CFAP251: variants seen among roughly 807,000 people sequenced by gnomAD.
CFAP251 encodes the protein cilia and flagella associated protein 251.
In CFAP251, 93 loss-of-function variants were observed where a neutral mutation model predicts 126.7. The ratio of observed to expected loss-of-function variants is 0.73; its 90% CI spans 0.62 to 0.87. The LOEUF is 0.87. Among genes scored for constraint, CFAP251 ranks in the 40% least tolerant of loss-of-function variants. The pLI, the probability that CFAP251 is intolerant of heterozygous loss-of-function variation, is 0.00. For synonymous variants in CFAP251, 503 were observed against 506.9 expected (o/e 0.99, Z 0.10); for missense variants, 1,287 against 1,389.2 (o/e 0.93, Z 1.17).
Position 121,957,299 on chromosome 12 carries a change from T to G in CFAP251, c.1730+31T>G. On this transcript the variant is annotated intron_variant, in intron 11 of 21. Transcript: ENST00000288912. ...TTGTTAATGAATCTAGTCATTAGAA[T>G]GGTTGAAAAATGATCACTGTCTTCT... is the stretch of plus-strand genomic sequence containing the variant. The G allele has an allele frequency of 1.9e-6, 3 of 1,576,556 alleles. No homozygotes were observed. In the Admixed American group the frequency reaches 5.5e-5, roughly 29 times the overall value.
chr12:121,977,571 A>G (rs1444564621), intron 19 of CFAP251, among the ~76,000 whole-genome samples: 1 of 151,998 alleles, frequency 6.6e-6, no homozygotes, highest in African/African-American at 2.4e-5. Context: ...GAGGCAAGAG[A>G]ATCGCTTGAA....
At chr12:121,985,718 T>A (rs1411127847) in intron 19 of CFAP251, among the ~76,000 whole-genome samples, 1 of 151,392 alleles carries the variant, frequency 6.6e-6, no homozygotes, top group African/African-American at 2.4e-5. Context: ...GCTTTAGCCT[T>A]CCTAGTTGCT....
intron 6 of CFAP251, 54 bp downstream of exon 6, chr12:121,942,699 CG>C: frequency 7.0e-7 from 1 of 1,437,034 alleles, no homozygotes; most frequent in South Asian, 1.2e-5. Flanking sequence ...ACCTGTGCAG[CG>C]TGTCCCCATG....
chr12:121,972,662 G>A (rs930637228), intron 17 of CFAP251, among the ~76,000 whole-genome samples: 2 of 151,908 alleles, frequency 1.3e-5, no homozygotes, highest in Non-Finnish European at 2.9e-5. Flanking sequence ...CTAATTTTTT[G>A]TATTTTTAGT....
rs1880500360 is a variant in CFAP251, at chr12:121,928,366, A to G, written c.748-3380A>G. Among the ~76,000 whole-genome samples the G allele has an allele frequency of 3.9e-5, 6 of 152,130 alleles. No homozygotes were observed. In the South Asian group the frequency reaches 1.2e-3, roughly 32 times the overall value. ...AGAGATCTAAATATAAATATAAATT[A>G]TAGGGAATGAGCAGATGGAAACAGG... On this transcript the variant is annotated intron_variant, in intron 3 of 21. Coordinates refer to ENST00000288912, the MANE Select transcript of CFAP251 (RefSeq NM_144668.6).
intron 19 of CFAP251, among the ~76,000 whole-genome samples, chr12:121,981,529 G>C (rs1469250152): frequency 6.6e-6 from 1 of 152,096 alleles, no homozygotes; most frequent in African/African-American, 2.4e-5. Flanking sequence ...ACCTGCTCCC[G>C]CCCCATGGGT....
chr12:121,994,719 C>T (rs568474589), intron 19 of CFAP251, among the ~76,000 whole-genome samples: 1 of 81,150 alleles, frequency 1.2e-5, no homozygotes, highest in Non-Finnish European at 2.5e-5. Context: ...GGATTAAGGG[C>T]GGTGCAAGAT....
Position 122,003,690 on chromosome 12 carries a change from A to AAG in CFAP251, c.3376_3377insAG (p.Ile1126LysfsTer14). The AAG allele has an allele frequency of 6.2e-7, 1 of 1,610,570 alleles. No homozygotes were observed. The highest frequency in any genetic ancestry group is 8.5e-7 in the Non-Finnish European group (1 of 1,179,090). On this transcript the variant is annotated frameshift_variant, in exon 22 of 22. Transcript: ENST00000288912. LOFTEE classifies it high-confidence loss of function. ...CCTTGAAGAAGAACTTCCAGACGAA[A>AAG]TCACTGCAGAAATATTCGCGACTGA...
chr12:121,942,531 C>T lies in CFAP251; in HGVS notation c.999-3C>T, dbSNP rs762770210. 1 of 1,609,706 alleles carries T rather than the reference C, an allele frequency of 6.2e-7. No homozygotes were observed. Among genetic ancestry groups the T allele is most frequent in the Non-Finnish European group, 8.5e-7 (1 of 1,176,560 alleles). ...GTGTCGCCCCCCTTGTCCTGTTTTG[C>T]AGTATTCCTGTGCACACAATATTTG... On this transcript the variant is annotated splice_polypyrimidine_tract_variant and splice_region_variant and intron_variant, in intron 5 of 21. Coordinates refer to ENST00000288912, the MANE Select transcript of CFAP251 (RefSeq NM_144668.6).
chr12:121,934,421 A>G, intron 5 of CFAP251, 65 bp downstream of exon 5: 1 of 1,279,180 alleles, frequency 7.8e-7, no homozygotes, highest in Non-Finnish European at 1.1e-6. Flanking sequence ...ACTGTGTGAC[A>G]GTGACAGAAT....
rs1373799602 is a variant in CFAP251, at chr12:122,003,840, C to G, written c.*76C>G. ...ACATGTGTGTGTTTTCCATGAGGCA[C>G]TGCTTTTTATGCATTTCCCTCCCCC... On this transcript the variant is annotated 3_prime_UTR_variant, in exon 22 of 22. Coordinates refer to ENST00000288912, the MANE Select transcript of CFAP251 (RefSeq NM_144668.6). 5 of 1,137,174 alleles carry G rather than the reference C, an allele frequency of 4.4e-6. No homozygotes were observed. The Admixed American group carries it at 1.2e-4, about 27-fold the overall frequency. The allele number at this position is 1,137,174 out of a possible 1,614,324, so 70.4% of individuals were successfully genotyped here. A position where few individuals can be genotyped will look rare whatever the true frequency, so the allele number is the denominator to read the frequency against.
intron 5 of CFAP251, among the ~76,000 whole-genome samples, chr12:121,935,905 GT>G (rs1247527556): frequency 1.3e-5 from 2 of 152,144 alleles, no homozygotes; most frequent in African/African-American, 4.8e-5. Flanking sequence ...TGGTATCAAG[GT>G]TGTCATCCGG....
At chr12:121,924,734 C>T (rs1249085808) in intron 3 of CFAP251, among the ~76,000 whole-genome samples, 1 of 152,150 alleles carries the variant, frequency 6.6e-6, no homozygotes, top group African/African-American at 2.4e-5. Flanking sequence ...CCGGCCTAGA[C>T]TTGTGTCTTT....
intron 19 of CFAP251, among the ~76,000 whole-genome samples, chr12:121,990,988 G>T (rs371318074): frequency 2.6e-5 from 4 of 152,316 alleles, no homozygotes; most frequent in Non-Finnish European, 4.4e-5. Context: ...AACTGTTCTA[G>T]TAATAATTGA....
intron 15 of CFAP251, among the ~76,000 whole-genome samples, chr12:121,965,323 C>T (rs935743339): frequency 6.6e-6 from 1 of 152,202 alleles, no homozygotes; most frequent in East Asian, 1.9e-4. Context: ...AACGGGCACT[C>T]TCATCCGCTT....
chr12:121,992,142 G>A (rs1254552591), intron 19 of CFAP251: 20 of 937,912 alleles, frequency 2.1e-5, no homozygotes, highest in African/African-American at 1.1e-4. Flanking sequence ...CGTCTGGGCC[G>A]CTCAGCTAGG....
At chr12:121,948,903 AATT>A (rs1332287479) in intron 7 of CFAP251, 78 bp from the exon 8 acceptor site, 1 of 820,544 alleles carries the variant, frequency 1.2e-6, no homozygotes, top group East Asian at 3.0e-5. Context: ...TTTTAATTAA[AATT>A]ATTATTTAAT....
chr12:121,967,199 G>C (rs866041099), intron 16 of CFAP251, 130 bp downstream of exon 16: 1 of 755,368 alleles, frequency 1.3e-6, no homozygotes, highest in South Asian at 1.8e-5. Flanking sequence ...ACCCCAGTCA[G>C]CTGTGATACT....
chr12:121,958,415 G>A lies in CFAP251; in HGVS notation c.1874G>A (p.Ser625Asn), dbSNP rs1409393761. ...HPYQPLIAIGSICGMIKVWNY... is the reference protein window; with the variant it reads ...HPYQPLIAIGNICGMIKVWNY... ...TATCAACCCCTCATTGCCATCGGGA[G>A]CATCTGTGGGATGATCAAAGTGTGG... Residue 625 changes from serine to asparagine, a missense_variant, in exon 12 of 22, where the codon AGC (serine) becomes AAC (asparagine). Transcript: ENST00000288912. The A allele has an allele frequency of 7.4e-6, 12 of 1,614,158 alleles. No homozygotes were observed. Among genetic ancestry groups the A allele is most frequent in the Non-Finnish European group, 1.0e-5 (12 of 1,180,058 alleles).
Sources: gnomAD v4.1 joint callset for allele counts (sites outside exome capture counted in the v4.1 genomes callset) on GRCh38, gnomAD v4.1.1 for gene constraint, MANE v1.5 for transcripts, NCBI Gene and HGNC (gene_info 2026-07-23, HGNC 2026-07-21) for gene names.